The following TRMT10C variants were observed in gnomAD, a reference collection of about 807,000 sequenced individuals.
TRMT10C encodes the protein tRNA methyltransferase 10 homolog C.
In TRMT10C, 14 loss-of-function variants were observed where a neutral mutation model predicts 27.4. The observed-to-expected ratio is 0.51, with a 90% CI of 0.34 to 0.80. The LOEUF (loss-of-function observed/expected upper bound fraction) is 0.80. TRMT10C is among the 30% of genes least tolerant of loss of function. The probability of loss-of-function intolerance (pLI) is 0.02; values close to 1 mark genes in which losing one functional copy is unlikely to be tolerated. For synonymous variants in TRMT10C, 143 were observed against 155.9 expected (o/e 0.92, Z 0.62); for missense variants, 438 against 464.8 (o/e 0.94, Z 0.53).
In TRMT10C at chr3:101,565,846, A is replaced by T; in HGVS notation, c.1065A>T (p.Gln355His). Residue 355 changes from glutamine (Q) to histidine (H), a missense_variant, in exon 2 of 2, where the codon CAA becomes CAT. By Grantham distance (24) the Gln-to-His change is conservative. Coordinates refer to ENST00000309922, the MANE Select transcript of TRMT10C (RefSeq NM_017819.4). ...EIGNKNLTLDQMIRILLCLKN... is the reference protein window; with the variant it reads ...EIGNKNLTLDHMIRILLCLKN... ...GTAACAAAAATCTCACCTTAGATCA[A>T]ATGATACGTATTTTGTTATGTCTGA... 1 of 1,614,180 alleles carries T rather than the reference A, an allele frequency of 6.2e-7. No homozygotes were observed. The highest frequency in any genetic ancestry group is 8.5e-7 in the Non-Finnish European group (1 of 1,180,026).
intron 1 of TRMT10C, among the ~76,000 whole-genome samples, chr3:101,563,300 G>A (rs1934453933): frequency 6.6e-6 from 1 of 152,056 alleles, no homozygotes; most frequent in Non-Finnish European, 1.5e-5. Context: ...TGGGATTACA[G>A]GCATGCGCCA....
chr3:101,564,838 G>A lies in TRMT10C; in HGVS notation c.57G>A (p.Arg19=), dbSNP rs767033643. ...TCAATTTCTTCAGACCTTTCACCAG[G>A]TTTTTGGTGCCATTTACCCTTCATA... The part of the protein sequence containing the change: ...VSVNFFRPFT[R]FLVPFTLHRK... The change falls in exon 2 of 2, where the codon AGG becomes AGA. Residue 19 remains arginine, a synonymous_variant. Transcript: ENST00000309922. The A allele has an allele frequency of 1.1e-5, 18 of 1,612,634 alleles. No homozygotes were observed. The East Asian group carries it at 4.0e-4, about 36-fold the overall frequency.
rs1461907300 is a variant in TRMT10C, at chr3:101,565,438, A to G, written c.657A>G (p.Glu219=). 1.2e-6 allele frequency: 2 copies of G among 1,614,102 alleles called. No homozygotes were observed. The highest frequency in any genetic ancestry group is 2.7e-5 in the African/African-American group (2 of 74,942). The change falls in exon 2 of 2, where the codon GAA becomes GAG. Residue 219 remains glutamate, a synonymous_variant. Transcript: ENST00000309922. ...MAYENYMKRK[E]LQNTVSQLLE... ...ACGAAAATTATATGAAACGAAAAGA[A>G]TTGCAGAATACTGTTTCCCAGCTTT...
intron 1 of TRMT10C, among the ~76,000 whole-genome samples, chr3:101,563,116 GTTTGTT>G (rs1934449427): frequency 6.6e-6 from 1 of 152,102 alleles, no homozygotes; most frequent in South Asian, 2.1e-4. Flanking sequence ...GGTGTTTTTT[GTTTGTT>G]TTTGTTGTTT....
intron 1 of TRMT10C, 126 bp from the exon 2 acceptor site, chr3:101,564,644 A>G (rs547024167): frequency 8.9e-6 from 9 of 1,010,016 alleles, no homozygotes; most frequent in Non-Finnish European, 1.3e-5. Flanking sequence ...AAATTGGTAC[A>G]AAGATTTTAC....
In TRMT10C at chr3:101,565,698, T is replaced by C; in HGVS notation, c.917T>C (p.Val306Ala). 1 of 1,614,206 alleles carries C rather than the reference T, an allele frequency of 6.2e-7. No homozygotes were observed. Among genetic ancestry groups the C allele is most frequent in the South Asian group, 1.1e-5 (1 of 91,082 alleles). The change falls in exon 2 of 2, where the codon GTT becomes GCT. Residue 306 changes from valine (V) to alanine (A), a missense_variant. Val to Ala is a moderately conservative substitution (Grantham distance 64). Transcript: ENST00000309922. Reference protein sequence around the residue: ...NVMTTFRHDKVYVIGSFVDKS... With the variant: ...NVMTTFRHDKAYVIGSFVDKS... ...ATGACTACTTTCAGGCATGACAAAGTTTATGTAATTGGGTCTTTTGTTGAT... is the reference window on the plus strand; with the variant it reads ...ATGACTACTTTCAGGCATGACAAAGCTTATGTAATTGGGTCTTTTGTTGAT...
chr3:101,562,638 A>G (rs934439000), intron 1 of TRMT10C, among the ~76,000 whole-genome samples: 2 of 149,316 alleles, frequency 1.3e-5, no homozygotes, highest in Non-Finnish European at 3.0e-5. Flanking sequence ...ACAGAGCGAG[A>G]CTCCGTCTCA....
intron 1 of TRMT10C, among the ~76,000 whole-genome samples, chr3:101,563,710 T>G (rs1437172792): frequency 6.6e-6 from 1 of 152,184 alleles, no homozygotes; most frequent in Non-Finnish European, 1.5e-5. Context: ...TTGTAAAAAT[T>G]TGAATTCCCT....
At chr3:101,562,307 T>G (rs528793815) in intron 1 of TRMT10C, among the ~76,000 whole-genome samples, 1 of 152,338 alleles carries the variant, frequency 6.6e-6, no homozygotes, top group East Asian at 1.9e-4. Flanking sequence ...GATTGGGGCC[T>G]GGGGACCCCA....
Position 101,564,868 on chromosome 3 carries a change from G to C in TRMT10C, c.87G>C (p.Lys29Asn), listed in dbSNP as rs533790114. Residue 29 changes from lysine to asparagine, a missense_variant, in exon 2 of 2, where the codon AAG becomes AAC. Around this residue, in one of 3 missense-constraint regions of TRMT10C, gnomAD observed 350 missense variants for 370.5 expected, o/e 0.94. Coordinates refer to ENST00000309922, the MANE Select transcript of TRMT10C (RefSeq NM_017819.4). ...RFLVPFTLHR[K>N]RNNLTILQRY... ...TGGTGCCATTTACCCTTCATAGGAA[G>C]AGAAATAACTTAACAATTTTGCAGA... 6.2e-7 allele frequency: 1 copy of C among 1,613,998 alleles called. No individual in the cohort carries two copies. The highest frequency in any genetic ancestry group is 8.5e-7 in the Non-Finnish European group (1 of 1,179,970).
intron 1 of TRMT10C, among the ~76,000 whole-genome samples, chr3:101,562,760 T>C (rs1344522432): frequency 6.6e-6 from 1 of 151,856 alleles, no homozygotes; most frequent in African/African-American, 2.4e-5. Context: ...GTGAGCCAAA[T>C]ACTGTCAAGC....
In TRMT10C at chr3:101,565,154, T is replaced by C. The variant is rs1471127563; in HGVS notation, c.373T>C (p.Ser125Pro). The change falls in exon 2 of 2, where the codon TCT becomes CCT. Residue 125 changes from serine (S) to proline (P), a missense_variant. By Grantham distance (74) the Ser-to-Pro change is moderately conservative. Around this residue, in one of 3 missense-constraint regions of TRMT10C, gnomAD observed 350 missense variants for 370.5 expected, o/e 0.94. Transcript: ENST00000309922. ...EELKTLMECV[S>P]NTAKKKYLKY... ...GCTCAAAACCCTTATGGAATGTGTT[T>C]CTAACACAGCAAAAAAAAAATATTT... The C allele has an allele frequency of 6.3e-7, 1 of 1,581,250 alleles. No homozygotes were observed. Among genetic ancestry groups the C allele is most frequent in the Admixed American group, 1.9e-5 (1 of 53,268 alleles).
chr3:101,561,947 C>G lies in TRMT10C; in HGVS notation c.-69C>G, dbSNP rs1257245334. The G allele has an allele frequency of 6.5e-6, 1 of 153,056 alleles. No individual in the cohort carries two copies. Among genetic ancestry groups the G allele is most frequent in the African/African-American group, 2.4e-5 (1 of 41,486 alleles). 9.5% of individuals were successfully genotyped at this position (153,056 alleles called of 1,614,324 possible). A position where few individuals can be genotyped will look rare whatever the true frequency, so the allele number is the denominator to read the frequency against. ...TGGGCGTCCGTACGTCGGAGTCCTT[C>G]GTCCTCCAGGGTCCCTGTTCTTTGC... On this transcript the variant is annotated 5_prime_UTR_variant, in exon 1 of 2. Transcript: ENST00000309922.
rs3762735 is a variant in TRMT10C at position 101,564,948 on chromosome 3, C to T, written c.167C>T (p.Pro56Leu). The change falls in exon 2 of 2, where the codon CCC becomes CTC. Residue 56 changes from proline (P) to leucine (L), a missense_variant. By Grantham distance (98) the Pro-to-Leu change is moderately conservative. Coordinates refer to ENST00000309922, the MANE Select transcript of TRMT10C (RefSeq NM_017819.4). ...ACTTATCCTAAAAATGAGAGTACAC[C>T]CCCTTCTGAAGAGCTAGAGTTGGAT... ...AVTYPKNEST[P>L]PSEELELDKW... 6.2e-7 allele frequency: 1 copy of T among 1,613,152 alleles called. No homozygotes were observed. The highest frequency in any genetic ancestry group is 1.3e-5 in the African/African-American group (1 of 74,610).
chr3:101,563,947 T>G (rs1934466958), intron 1 of TRMT10C, among the ~76,000 whole-genome samples: 1 of 152,236 alleles, frequency 6.6e-6, no homozygotes, highest in Admixed American at 6.5e-5. Flanking sequence ...TCTTGGTATA[T>G]TTCTGTAACG....
rs1307316350 is a variant in TRMT10C, at chr3:101,565,603, A to G, written c.822A>G (p.Thr274=). 6.2e-7 allele frequency: 1 copy of G among 1,614,076 alleles called. No individual in the cohort carries two copies. Among genetic ancestry groups the G allele is most frequent in the Non-Finnish European group, 8.5e-7 (1 of 1,180,016 alleles). The change falls in exon 2 of 2, where the codon ACA becomes ACG. Residue 274 remains threonine, a synonymous_variant. Transcript: ENST00000309922. ...EKWDKLLLTS[T]EKSHVDLFPK... ...GGGACAAATTGCTTTTAACATCAAC[A>G]GAAAAGTCTCATGTAGATTTATTTC...
rs1559949147 is a variant in TRMT10C at position 101,564,656 on chromosome 3, T to C, written c.-12-114T>C. On this transcript the variant is annotated intron_variant, in intron 1 of 1. Transcript: ENST00000309922. ...AAAAAATTGGTACAAAGATTTTACC[T>C]TGTGTTTCAAAAATTGATTTTATTT... 7 of 1,094,756 alleles carry C rather than the reference T, an allele frequency of 6.4e-6. 1 individual carries two copies. In the South Asian group the frequency reaches 1.2e-4, roughly 18 times the overall value. 67.8% of individuals were successfully genotyped at this position (1,094,756 alleles called of 1,614,324 possible). A position where few individuals can be genotyped will look rare whatever the true frequency, so the allele number is the denominator to read the frequency against.
At chr3:101,564,110 A>G (rs894907593) in intron 1 of TRMT10C, among the ~76,000 whole-genome samples, 2 of 150,642 alleles carry the variant, frequency 1.3e-5, no homozygotes, top group African/African-American at 4.9e-5. Flanking sequence ...ATGCAGCATC[A>G]TGATGTCAGC....
Position 101,565,775 on chromosome 3 carries a change from G to C in TRMT10C, c.994G>C (p.Ala332Pro), listed in dbSNP as rs1934504084. The change falls in exon 2 of 2, where the codon GCA (alanine) becomes CCA (proline). Residue 332 changes from alanine (A) to proline (P), a missense_variant. Ala to Pro is a conservative substitution (Grantham distance 27). Coordinates refer to ENST00000309922, the MANE Select transcript of TRMT10C (RefSeq NM_017819.4). ...AGCCAAGGCAAAACGGCTGAACCTGGCAACTGAATGCCTTCCATTAGATAA... is the reference window on the plus strand; with the variant it reads ...AGCCAAGGCAAAACGGCTGAACCTGCCAACTGAATGCCTTCCATTAGATAA... ...SLAKAKRLNL[A>P]TECLPLDKYL... 6.2e-7 allele frequency: 1 copy of C among 1,613,992 alleles called. No homozygotes were observed.
Sources: gnomAD v4.1 joint callset for allele counts (sites outside exome capture counted in the v4.1 genomes callset) on GRCh38, gnomAD v4.1.1 for gene constraint, gnomAD v4.1.1 regional missense constraint, MANE v1.5 for transcripts, NCBI Gene and HGNC (gene_info 2026-07-23, HGNC 2026-07-21) for gene names.